Variants in CPNE8 observed in about 807,000 individuals in gnomAD.
The protein encoded by CPNE8 is copine 8.
In CPNE8, 45 loss-of-function variants were observed where a neutral mutation model predicts 81.5. That is an observed-to-expected ratio of 0.55 (90% CI 0.44 to 0.71). CPNE8 has a LOEUF of 0.71. CPNE8 is among the 30% of genes least tolerant of loss of function. CPNE8 has a pLI of 0.00. For missense variants in CPNE8, 594 were observed against 672.1 expected, an observed-to-expected ratio of 0.88 and a Z score of 1.28; for synonymous variants, 252 against 226.3, an observed-to-expected ratio of 1.11 and a Z score of -1.02.
chr12:38,803,521 G>C (rs560140571), intron 6 of CPNE8, among the ~76,000 whole-genome samples: 5,119 of 145,154 alleles, frequency 0.035, 288 homozygotes, highest in African/African-American at 0.12. Context: ...AATAATAAGA[G>C]CTATCTATGA....
Position 38,732,137 on chromosome 12 carries a change from G to A in CPNE8, c.723-1779C>T, listed in dbSNP as rs115750514. ...CCTTAAAAATGCCTGAATCACTTAA[G>A]CCCTTGTGATCATTTTCTGACTGTG... On this transcript the variant is annotated intron_variant, in intron 10 of 19. Transcript: ENST00000331366. Among the ~76,000 whole-genome samples the A allele has an allele frequency of 2.9e-3, 442 of 152,016 alleles. 4 individuals are homozygous for A. The highest frequency in any genetic ancestry group is 0.01 in the African/African-American group (426 of 41,520).
chr12:38,689,198 A>G (rs1187818145), intron 15 of CPNE8, among the ~76,000 whole-genome samples: 3 of 152,248 alleles, frequency 2.0e-5, no homozygotes, highest in African/African-American at 4.8e-5. Flanking sequence ...TTATAAAATA[A>G]CACATGTTAA....
intron 10 of CPNE8, among the ~76,000 whole-genome samples, chr12:38,759,626 T>C (rs1331638517): frequency 6.6e-6 from 1 of 152,218 alleles, no homozygotes; most frequent in Admixed American, 6.5e-5. Flanking sequence ...ATGTTTGTGA[T>C]ACAACTTAAA....
intron 3 of CPNE8, among the ~76,000 whole-genome samples, chr12:38,867,352 G>A (rs1425392781): frequency 1.3e-5 from 2 of 151,620 alleles, no homozygotes; most frequent in East Asian, 3.9e-4. Context: ...GAGAGAGAGA[G>A]AGAGAGAGAG....
intron 1 of CPNE8, among the ~76,000 whole-genome samples, chr12:38,879,605 G>A (rs1038251826): frequency 1.3e-5 from 2 of 151,938 alleles, no homozygotes; most frequent in Non-Finnish European, 2.9e-5. Flanking sequence ...TAAAGTTGCA[G>A]GCATGCTACT....
At chr12:38,873,325 T>G (rs180672971) in intron 2 of CPNE8, among the ~76,000 whole-genome samples, 1,655 of 152,326 alleles carry the variant, frequency 0.011, 22 homozygotes, top group South Asian at 0.039. Flanking sequence ...GGTCTTCATA[T>G]ATAAATTTTA....
intron 11 of CPNE8, among the ~76,000 whole-genome samples, chr12:38,727,256 TG>T (rs1424006220): frequency 2.0e-5 from 3 of 152,204 alleles, no homozygotes; most frequent in Non-Finnish European, 4.4e-5. Flanking sequence ...TTCCCAGCTC[TG>T]TATGTAGCAG....
intron 6 of CPNE8, among the ~76,000 whole-genome samples, chr12:38,798,457 T>A (rs1411931104): frequency 1.3e-5 from 2 of 151,890 alleles, no homozygotes; most frequent in African/African-American, 4.8e-5. Flanking sequence ...CTAAGCTTCA[T>A]AAGTGAAGGA....
At chr12:38,753,065 G>T (rs1290576446) in intron 10 of CPNE8, among the ~76,000 whole-genome samples, 1 of 152,074 alleles carries the variant, frequency 6.6e-6, no homozygotes, top group Non-Finnish European at 1.5e-5. Context: ...TTTCACCAGA[G>T]AAATAAAAGC....
chr12:38,797,072 G>A (rs989435186), intron 6 of CPNE8, among the ~76,000 whole-genome samples: 5 of 152,204 alleles, frequency 3.3e-5, no homozygotes, highest in East Asian at 1.9e-4. Flanking sequence ...GCCCACCACA[G>A]CTCAAGGAGG....
At chr12:38,806,333 C>T (rs1249832312) in intron 6 of CPNE8, among the ~76,000 whole-genome samples, 7 of 149,794 alleles carry the variant, frequency 4.7e-5, no homozygotes, top group Admixed American at 6.6e-5. Context: ...CCTTGATGAA[C>T]ATTGATGCAA....
At chr12:38,906,260 G>C, upstream of CPNE8, 6 of 985,480 alleles carry the variant, frequency 6.1e-6, no homozygotes, top group Non-Finnish European at 7.2e-6. Flanking sequence ...GGGGACGGTG[G>C]GGCATTGTGA....
At chr12:38,799,405 C>T (rs1942596296) in intron 6 of CPNE8, among the ~76,000 whole-genome samples, 1 of 152,192 alleles carries the variant, frequency 6.6e-6, no homozygotes, top group African/African-American at 2.4e-5. Flanking sequence ...CTCTAAACTG[C>T]TCAACTACAT....
intron 10 of CPNE8, among the ~76,000 whole-genome samples, chr12:38,749,605 G>A (rs1941309732): frequency 6.6e-6 from 1 of 152,216 alleles, no homozygotes; most frequent in Non-Finnish European, 1.5e-5. Context: ...TTGGGAACTG[G>A]AATAAAGATG....
intron 16 of CPNE8, among the ~76,000 whole-genome samples, chr12:38,683,553 A>G (rs1191255690): frequency 6.6e-6 from 1 of 152,120 alleles, no homozygotes; most frequent in Non-Finnish European, 1.5e-5. Context: ...CTTAGTTGTT[A>G]AACTTTTTGA....
chr12:38,662,162 T>G (rs993453540), intron 19 of CPNE8, among the ~76,000 whole-genome samples: 1 of 152,098 alleles, frequency 6.6e-6, no homozygotes, highest in African/African-American at 2.4e-5. Context: ...CCAGAGAAAT[T>G]AGGCAACAGA....
intron 6 of CPNE8, among the ~76,000 whole-genome samples, chr12:38,805,656 T>G (rs1282900363): frequency 2.8e-5 from 1 of 35,762 alleles, no homozygotes; most frequent in East Asian, 1.9e-3. Flanking sequence ...AAACTTAGAG[T>G]ATAATAAAAA....
At chr12:38,727,122 A>C (rs1390157427) in intron 11 of CPNE8, among the ~76,000 whole-genome samples, 1 of 152,204 alleles carries the variant, frequency 6.6e-6, no homozygotes, top group Non-Finnish European at 1.5e-5. Context: ...AAAAATTGTC[A>C]AAATCAAATT....
At chr12:38,812,439 C>T (rs1162111837) in intron 6 of CPNE8, among the ~76,000 whole-genome samples, 2 of 152,158 alleles carry the variant, frequency 1.3e-5, no homozygotes, top group African/African-American at 2.4e-5. Flanking sequence ...CATCCTTCTT[C>T]ACATGGCATC....
Sources: allele counts gnomAD v4.1 joint callset (sites outside exome capture counted in the v4.1 genomes callset), GRCh38; gene constraint gnomAD v4.1.1; transcripts MANE v1.5; gene names NCBI Gene and HGNC (gene_info 2026-07-23, HGNC 2026-07-21).